Variants in CTNNA3 observed in about 807,000 individuals in gnomAD.
The protein encoded by CTNNA3 is catenin alpha 3.
A neutral mutation model predicts 95.7 loss-of-function variants in CTNNA3; 76 were observed. The observed-to-expected ratio is 0.79, with a 90% confidence interval of 0.66 to 0.96. The LOEUF (loss-of-function observed/expected upper bound fraction) is 0.96. Ranked by LOEUF, CTNNA3 falls within the 40% of genes least tolerant of loss-of-function variation. The probability of loss-of-function intolerance (pLI) is 0.00; values close to 1 mark genes in which losing one functional copy is unlikely to be tolerated. For synonymous variants in CTNNA3, 431 were observed against 374.4 expected (o/e 1.15, Z -1.74); for missense variants, 1,191 against 1,089.8 (o/e 1.09, Z -1.31).
intron 13 of CTNNA3, among the ~76,000 whole-genome samples, chr10:66,270,038 C>A (rs1017544480): frequency 3.0e-4 from 46 of 152,136 alleles, no homozygotes; most frequent in African/African-American, 1.0e-3. Context: ...AAATTTAATT[C>A]TTTGTGAAAA....
At position 67,079,722 on chromosome 10, in the gene CTNNA3, C is replaced by T. The variant is rs559856968; in HGVS notation, c.1047+100595G>A. ...AACTAGCCAGGCGTGGTGGCGGGCA[C>T]CTGTAATCCCAGCTGCTCAGGAGGC... On this transcript the variant is annotated intron_variant, in intron 7 of 17. Coordinates refer to ENST00000433211, the MANE Select transcript of CTNNA3 (RefSeq NM_013266.4). Among the ~76,000 whole-genome samples the T allele has an allele frequency of 6.6e-5, 10 of 152,124 alleles. No individual in the cohort carries two copies. The East Asian group carries it at 1.9e-3, about 29-fold the overall frequency.
intron 10 of CTNNA3, among the ~76,000 whole-genome samples, chr10:66,582,173 T>C (rs1201170774): frequency 6.6e-6 from 1 of 151,882 alleles, no homozygotes; most frequent in African/African-American, 2.4e-5. Flanking sequence ...TTTCTAATTC[T>C]GTAAAAAATA....
chr10:67,170,852 C>T (rs1339846824), intron 7 of CTNNA3, among the ~76,000 whole-genome samples: 8 of 152,140 alleles, frequency 5.3e-5, no homozygotes, highest in Admixed American at 5.2e-4. Flanking sequence ...AGCCACTGGC[C>T]ACATGTCGCT....
intron 13 of CTNNA3, among the ~76,000 whole-genome samples, chr10:66,109,274 T>C (rs1466012389): frequency 6.6e-6 from 1 of 152,156 alleles, no homozygotes; most frequent in Non-Finnish European, 1.5e-5. Context: ...CCTGACATCT[T>C]GATGCAGCCC....
At chr10:67,246,809 C>T (rs571728872) in intron 5 of CTNNA3, among the ~76,000 whole-genome samples, 1 of 152,228 alleles carries the variant, frequency 6.6e-6, no homozygotes, top group South Asian at 2.1e-4. Context: ...GAAGACTCAG[C>T]TCTCTTCAAT....
intron 7 of CTNNA3, among the ~76,000 whole-genome samples, chr10:67,034,351 T>A (rs751462633): frequency 6.6e-6 from 1 of 152,200 alleles, no homozygotes; most frequent in Non-Finnish European, 1.5e-5. Flanking sequence ...CTCACACTTG[T>A]AAGTGATGAG....
intron 15 of CTNNA3, 58 bp downstream of exon 15, chr10:66,069,249 TA>T (rs1478687706): frequency 1.3e-6 from 2 of 1,523,808 alleles, no homozygotes. Flanking sequence ...GAGGTTTCAC[TA>T]ATATGACTAA....
chr10:66,278,753 T>C (rs2091443352), intron 13 of CTNNA3, among the ~76,000 whole-genome samples: 2 of 152,216 alleles, frequency 1.3e-5, no homozygotes, highest in East Asian at 1.9e-4. Context: ...CACTGGTTTA[T>C]ATTCTCAAAT....
chr10:65,991,884 T>C (rs1339822544), intron 15 of CTNNA3, among the ~76,000 whole-genome samples: 3 of 152,076 alleles, frequency 2.0e-5, no homozygotes, highest in African/African-American at 7.2e-5. Context: ...TAGCTGTGAG[T>C]TTGTAATATG....
intron 7 of CTNNA3, among the ~76,000 whole-genome samples, chr10:66,906,326 T>C (rs565331940): frequency 6.6e-6 from 1 of 152,162 alleles, no homozygotes; most frequent in African/African-American, 2.4e-5. Flanking sequence ...CAAAACTCTA[T>C]GCCTAGAAAT....
intron 10 of CTNNA3, among the ~76,000 whole-genome samples, chr10:66,579,280 G>C (rs1843108722): frequency 6.6e-6 from 1 of 151,672 alleles, no homozygotes; most frequent in Admixed American, 6.6e-5. Flanking sequence ...AACCTAATTT[G>C]TCAAGTTATA....
At chr10:67,648,657 A>G (rs1489635308) in intron 1 of CTNNA3, 1 of 1,004,834 alleles carries the variant, frequency 1.0e-6, no homozygotes, top group African/African-American at 1.7e-5. Flanking sequence ...GTTTCTTCTC[A>G]AATCAAAGTT....
At chr10:66,620,333 A>C (rs544942264) in intron 10 of CTNNA3, among the ~76,000 whole-genome samples, 1 of 144,950 alleles carries the variant, frequency 6.9e-6, no homozygotes, top group East Asian at 2.0e-4. Context: ...TAACAAACCT[A>C]AGCAAATTAA....
chr10:66,456,066 C>T (rs1322808087), intron 11 of CTNNA3, among the ~76,000 whole-genome samples: 2 of 152,104 alleles, frequency 1.3e-5, no homozygotes, highest in African/African-American at 2.4e-5. Flanking sequence ...TAAATTGAGA[C>T]ATATGATGTT....
At chr10:67,472,453 T>G (rs1322237649) in intron 5 of CTNNA3, among the ~76,000 whole-genome samples, 1 of 152,140 alleles carries the variant, frequency 6.6e-6, no homozygotes, top group Non-Finnish European at 1.5e-5. Context: ...CCATCTCCAG[T>G]TACCTTCACT....
intron 7 of CTNNA3, among the ~76,000 whole-genome samples, chr10:67,100,372 C>G (rs913236653): frequency 6.6e-6 from 1 of 151,794 alleles, no homozygotes; most frequent in East Asian, 1.9e-4. Context: ...AAAAAAAATG[C>G]TGGATGATGA....
intron 13 of CTNNA3, among the ~76,000 whole-genome samples, chr10:66,158,213 G>A (rs995450773): frequency 3.9e-5 from 6 of 151,984 alleles, no homozygotes; most frequent in Admixed American, 2.0e-4. Context: ...TTGCTTTTGG[G>A]CTCTTGGTCA....
At chr10:67,466,146 T>C (rs943515903) in intron 5 of CTNNA3, among the ~76,000 whole-genome samples, 1 of 152,176 alleles carries the variant, frequency 6.6e-6, no homozygotes, top group East Asian at 1.9e-4. Context: ...AATTTGTTTC[T>C]GCCAAAAAAA....
At chr10:66,141,027 G>A (rs1589530961) in intron 13 of CTNNA3, among the ~76,000 whole-genome samples, 1 of 152,232 alleles carries the variant, frequency 6.6e-6, no homozygotes, top group Middle Eastern at 3.4e-3. Context: ...GGGAGGCCGA[G>A]GCGGGAGGAT....
Sources: gnomAD v4.1 joint callset for allele counts (sites outside exome capture counted in the v4.1 genomes callset) on GRCh38, gnomAD v4.1.1 for gene constraint, MANE v1.5 for transcripts, NCBI Gene and HGNC (gene_info 2026-07-23, HGNC 2026-07-21) for gene names.